Variants in SNX18 observed in about 807,000 individuals in gnomAD.
SNX18 encodes the protein sorting nexin 18.
In SNX18, 35 loss-of-function variants were observed where a neutral mutation model predicts 48.7. That is an observed-to-expected ratio of 0.72 (90% CI 0.55 to 0.95). The LOEUF (loss-of-function observed/expected upper bound fraction) is 0.95. Ranked by LOEUF, SNX18 falls within the 40% of genes least tolerant of loss-of-function variation. The pLI is 0.00. For missense variants in SNX18, 824 were observed against 871.0 expected, an observed-to-expected ratio of 0.95 and a Z score of 0.68; for synonymous variants, 492 against 384.7, an observed-to-expected ratio of 1.28 and a Z score of -3.26.
the SNX18 span, among the ~76,000 whole-genome samples, chr5:54,594,822 C>T: frequency 0.015 from 2,309 of 152,278 alleles, 61 homozygotes; most frequent in African/African-American, 0.053. Context: ...TCTCACCCTT[C>T]TCCCTCCCTC....
At chr5:54,603,783 T>A in the SNX18 span, among the ~76,000 whole-genome samples, 2 of 152,172 alleles carry the variant, frequency 1.3e-5, no homozygotes, top group African/African-American at 4.8e-5. Flanking sequence ...TCCTACTGAG[T>A]TCAGCCAAGA....
At chr5:54,641,991 T>C in the SNX18 span, among the ~76,000 whole-genome samples, 2 of 152,316 alleles carry the variant, frequency 1.3e-5, no homozygotes, top group East Asian at 3.9e-4. Context: ...AATCAGACAG[T>C]GATTTTATAA....
the SNX18 span, among the ~76,000 whole-genome samples, chr5:54,636,887 A>T: frequency 2.0e-5 from 3 of 152,238 alleles, no homozygotes; most frequent in Admixed American, 1.3e-4. Context: ...GGATGGGGCC[A>T]GGATTCAAAA....
At chr5:54,524,557 C>T (rs1762094214) in intron 1 of SNX18, among the ~76,000 whole-genome samples, 1 of 152,210 alleles carries the variant, frequency 6.6e-6, no homozygotes, top group South Asian at 2.1e-4. Context: ...TGTTCCTTCT[C>T]TTTGGGCTGA....
intron 1 of SNX18, among the ~76,000 whole-genome samples, chr5:54,537,310 G>C (rs928518265): frequency 5.4e-4 from 83 of 152,302 alleles, no homozygotes; most frequent in African/African-American, 1.9e-3. Flanking sequence ...TTTTTAAAGA[G>C]TATATTCACA....
chr5:54,621,984 A>G, the SNX18 span, among the ~76,000 whole-genome samples: 4 of 152,242 alleles, frequency 2.6e-5, no homozygotes, highest in Admixed American at 2.6e-4. Flanking sequence ...CTGCCTGGTA[A>G]TAATCCGGTC....
chr5:54,568,594 T>G, the SNX18 span, among the ~76,000 whole-genome samples: 1 of 152,298 alleles, frequency 6.6e-6, no homozygotes, highest in East Asian at 1.9e-4. Flanking sequence ...CCAAAGACAG[T>G]GCCAAAGAAA....
At chr5:54,624,270 C>A in the SNX18 span, among the ~76,000 whole-genome samples, 1 of 152,190 alleles carries the variant, frequency 6.6e-6, no homozygotes, top group African/African-American at 2.4e-5. Context: ...ATGTTGAATT[C>A]TCCTGGTATT....
chr5:54,548,129 A>G (rs1315214794), downstream of SNX18, among the ~76,000 whole-genome samples: 1 of 152,200 alleles, frequency 6.6e-6, no homozygotes, highest in Non-Finnish European at 1.5e-5. Flanking sequence ...CCCTGATCCC[A>G]GGATGTCTCA....
chr5:54,542,922 A>G (rs1359307478), intron 1 of SNX18, among the ~76,000 whole-genome samples: 1 of 152,178 alleles, frequency 6.6e-6, no homozygotes. Flanking sequence ...AAGAGATGGG[A>G]TACTACAGAT....
rs1007251227 is a variant in SNX18 at position 54,517,762 on chromosome 5, C to A, written c.-191C>A. 5.2e-6 allele frequency: 2 copies of A among 386,220 alleles called. No individual in the cohort carries two copies. Among genetic ancestry groups the A allele is most frequent in the Non-Finnish European group, 8.3e-6 (2 of 240,646 alleles). 23.9% of individuals were successfully genotyped at this position (386,220 alleles called of 1,614,324 possible). ...GGCTGCGGCGGCCCAGCGCGGCAGT[C>A]GGCGCTGCGAAGTGGAGGCGCTGCG... is the stretch of plus-strand genomic sequence containing the variant. On this transcript the variant is annotated 5_prime_UTR_variant, in exon 1 of 2. Coordinates refer to ENST00000381410, the MANE Select transcript of SNX18 (RefSeq NM_001102575.2).
chr5:54,596,987 G>A, the SNX18 span, among the ~76,000 whole-genome samples: 21 of 152,202 alleles, frequency 1.4e-4, no homozygotes, highest in Middle Eastern at 3.4e-3. Flanking sequence ...AAAATCCAGC[G>A]GTGTGTTATA....
the SNX18 span, among the ~76,000 whole-genome samples, chr5:54,582,877 T>G: frequency 6.6e-6 from 1 of 152,202 alleles, no homozygotes; most frequent in Non-Finnish European, 1.5e-5. Context: ...GATAGCTGGT[T>G]CTGGGGAGAA....
chr5:54,568,556 G>T, the SNX18 span, among the ~76,000 whole-genome samples: 1 of 152,144 alleles, frequency 6.6e-6, no homozygotes, highest in Non-Finnish European at 1.5e-5. Flanking sequence ...AAAGGAAGGG[G>T]TGGTTGTTCG....
chr5:54,633,019 C>T, the SNX18 span, among the ~76,000 whole-genome samples: 18 of 152,092 alleles, frequency 1.2e-4, no homozygotes, highest in African/African-American at 3.9e-4. Context: ...GTGATCTGCC[C>T]GCCTTGGCCT....
chr5:54,537,000 A>G (rs1580105904), intron 1 of SNX18, among the ~76,000 whole-genome samples: 1 of 152,080 alleles, frequency 6.6e-6, no homozygotes, highest in Non-Finnish European at 1.5e-5. Context: ...ACATTTCTTC[A>G]TGTGTCTGTC....
At chr5:54,527,074 G>A (rs1462116789) in intron 1 of SNX18, among the ~76,000 whole-genome samples, 1 of 152,078 alleles carries the variant, frequency 6.6e-6, no homozygotes, top group East Asian at 1.9e-4. Context: ...GATCCTAGGA[G>A]ATGAGGTCAT....
chr5:54,518,044 G>A lies in SNX18; in HGVS notation c.92G>A (p.Ser31Asn). Residue 31 changes from serine to asparagine, a missense_variant, in exon 1 of 2, where the codon AGC becomes AAC. Physicochemically the swap from Ser to Asn is conservative, Grantham distance 46. This residue lies in a region of SNX18 where 377 missense variants were observed against 350.6 expected (regional missense o/e 1.08). Coordinates refer to ENST00000381410, the MANE Select transcript of SNX18 (RefSeq NM_001102575.2). ...GAGCACGAGGTGCTGAGCCTGTGCA[G>A]CGAGCAGGACATCGAGGGCTGGCTC... ...LREHEVLSLC[S>N]EQDIEGWLEG... is the part of the protein sequence containing the mutation. The A allele has an allele frequency of 1.3e-6, 2 of 1,547,834 alleles. No individual in the cohort carries two copies. Among genetic ancestry groups the A allele is most frequent in the East Asian group, 5.3e-5 (2 of 37,790 alleles).
At chr5:54,556,450 T>C in the SNX18 span, among the ~76,000 whole-genome samples, 5 of 152,202 alleles carry the variant, frequency 3.3e-5, no homozygotes, top group African/African-American at 1.2e-4. Context: ...CTTTCCCACA[T>C]TGAATCACTC....
Sources: gnomAD v4.1 joint callset for allele counts (sites outside exome capture counted in the v4.1 genomes callset) on GRCh38, gnomAD v4.1.1 for gene constraint, gnomAD v4.1.1 regional missense constraint, MANE v1.5 for transcripts, NCBI Gene and HGNC (gene_info 2026-07-23, HGNC 2026-07-21) for gene names.